Variants in SDCCAG8 observed in about 807,000 individuals in gnomAD.
SDCCAG8 encodes the protein SHH signaling and ciliogenesis regulator SDCCAG8, also known as serologically defined colon cancer antigen 8.
Under a neutral mutation model 101.8 loss-of-function variants are expected in SDCCAG8, and 74 were observed. The observed-to-expected ratio is 0.73, with a 90% CI of 0.60 to 0.88. The LOEUF (loss-of-function observed/expected upper bound fraction) is 0.88, where lower values mean the gene tolerates loss of function less well. SDCCAG8 is among the 40% of genes least tolerant of loss of function. The probability of loss-of-function intolerance (pLI) is 0.00; values close to 1 mark genes in which losing one functional copy is unlikely to be tolerated. For synonymous variants in SDCCAG8, 281 were observed against 292.9 expected (o/e 0.96, Z 0.41); for missense variants, 787 against 822.6 (o/e 0.96, Z 0.53).
chr1:243,491,524 GA>G (rs1479954652), intron 17 of SDCCAG8, among the ~76,000 whole-genome samples: 3 of 152,230 alleles, frequency 2.0e-5, no homozygotes, highest in Non-Finnish European at 4.4e-5. Context: ...AGGAGGCAGG[GA>G]TCCAGGTTTG....
chr1:243,471,939 A>G (rs1661354690), intron 16 of SDCCAG8, among the ~76,000 whole-genome samples: 1 of 152,198 alleles, frequency 6.6e-6, no homozygotes. Context: ...AAACACTGTG[A>G]GGCTGGCAAC....
chr1:243,316,425 T>G (rs986221764), intron 8 of SDCCAG8, among the ~76,000 whole-genome samples: 1 of 152,190 alleles, frequency 6.6e-6, no homozygotes, highest in Non-Finnish European at 1.5e-5. Flanking sequence ...TTCCCTACTT[T>G]GCTGCATTTT....
chr1:243,452,226 G>A (rs2083410871), intron 16 of SDCCAG8, among the ~76,000 whole-genome samples: 1 of 152,084 alleles, frequency 6.6e-6, no homozygotes, highest in African/African-American at 2.4e-5. Flanking sequence ...CCATTTCTAA[G>A]TTTTCTGCAC....
chr1:243,330,749 A>G (rs1368495584), intron 10 of SDCCAG8, 57 bp downstream of exon 10: 20 of 1,554,810 alleles, frequency 1.3e-5, no homozygotes, highest in Non-Finnish European at 1.8e-5. Context: ...TTATGATGCC[A>G]TTGATGATTC....
intron 12 of SDCCAG8, among the ~76,000 whole-genome samples, chr1:243,346,650 G>A (rs543573913): frequency 3.9e-5 from 6 of 152,158 alleles, no homozygotes; most frequent in Non-Finnish European, 7.4e-5. Context: ...AATGGCAGTC[G>A]CTTCCACCCA....
At chr1:243,259,072 CCT>C (rs2066987174) in intron 1 of SDCCAG8, among the ~76,000 whole-genome samples, 1 of 152,148 alleles carries the variant, frequency 6.6e-6, no homozygotes, top group Admixed American at 6.6e-5. Flanking sequence ...AAATGCTTTC[CCT>C]ATTTTCCGTG....
At chr1:243,268,000 G>A in intron 1 of SDCCAG8, 1 of 779,908 alleles carries the variant, frequency 1.3e-6, no homozygotes, top group Non-Finnish European at 2.4e-6. Context: ...TTAACGCGCT[G>A]GGATCCTTCT....
intron 12 of SDCCAG8, among the ~76,000 whole-genome samples, chr1:243,348,019 T>C (rs2075821260): frequency 6.8e-6 from 1 of 147,952 alleles, no homozygotes; most frequent in Admixed American, 6.7e-5. Context: ...AGGCTGGACA[T>C]GCATTTTTTT....
In SDCCAG8 at chr1:243,293,168, TGAC is replaced by T; in HGVS notation, c.625_627del (p.Asp209del). 1.2e-6 allele frequency: 2 copies of T among 1,614,170 alleles called. No individual in the cohort carries two copies. The highest frequency in any genetic ancestry group is 1.3e-5 in the African/African-American group (1 of 75,058). On this transcript the variant is annotated inframe_deletion, in exon 6 of 18. Coordinates refer to ENST00000366541, the MANE Select transcript of SDCCAG8 (RefSeq NM_006642.5). Reference sequence around the variant, plus strand: ...AAACCTCCAAAAGACCATTTTCCCATGACAATGCAGATTTTGGCAAAGCTGCAT... The same window carrying T: ...AAACCTCCAAAAGACCATTTTCCCATAATGCAGATTTTGGCAAAGCTGCAT...
intron 9 of SDCCAG8, among the ~76,000 whole-genome samples, chr1:243,320,296 C>T (rs138479736): frequency 3.1e-4 from 47 of 152,254 alleles, no homozygotes; most frequent in African/African-American, 1.1e-3. Context: ...TCCTAGCTTG[C>T]CTCCCTCCTT....
At chr1:243,301,324 A>G (rs1319673366) in intron 6 of SDCCAG8, among the ~76,000 whole-genome samples, 2 of 152,060 alleles carry the variant, frequency 1.3e-5, no homozygotes, top group Non-Finnish European at 2.9e-5. Context: ...TTTCCAGTAA[A>G]TTGCATATCA....
At chr1:243,368,732 G>A (rs1204344366) in intron 12 of SDCCAG8, among the ~76,000 whole-genome samples, 6 of 152,092 alleles carry the variant, frequency 3.9e-5, no homozygotes, top group Admixed American at 6.6e-5. Context: ...GGGGAAGAGC[G>A]GAATTAGGAA....
intron 4 of SDCCAG8, among the ~76,000 whole-genome samples, chr1:243,283,596 G>T (rs1239942057): frequency 6.6e-6 from 1 of 151,590 alleles, no homozygotes; most frequent in Non-Finnish European, 1.5e-5. Context: ...CCTTTCAAAG[G>T]CACTCTTCAT....
intron 13 of SDCCAG8, 150 bp from the exon 14 acceptor site, chr1:243,415,552 C>T: frequency 9.7e-7 from 1 of 1,033,242 alleles, no homozygotes; most frequent in Non-Finnish European, 1.5e-6. Context: ...GGATCTTCCC[C>T]CTAAAGTGGG....
intron 16 of SDCCAG8, among the ~76,000 whole-genome samples, chr1:243,433,117 T>C (rs1005949366): frequency 6.6e-6 from 1 of 152,120 alleles, no homozygotes; most frequent in Admixed American, 6.6e-5. Flanking sequence ...TATGAGCTGA[T>C]AAATGCAGGC....
chr1:243,489,500 C>T (rs572452644), intron 17 of SDCCAG8, among the ~76,000 whole-genome samples: 10 of 152,274 alleles, frequency 6.6e-5, no homozygotes, highest in African/African-American at 2.4e-4. Flanking sequence ...CCTTGAGCTG[C>T]CTCTGAAGGT....
At chr1:243,374,397 C>T (rs552333457) in intron 12 of SDCCAG8, among the ~76,000 whole-genome samples, 9 of 152,002 alleles carry the variant, frequency 5.9e-5, no homozygotes, top group Admixed American at 2.6e-4. Flanking sequence ...TTCAGCATTG[C>T]AAAATTTCAA....
At chr1:243,492,295 C>CTTTTTTTTTTTTT (rs33950392) in intron 17 of SDCCAG8, among the ~76,000 whole-genome samples, 2 of 63,124 alleles carry the variant, frequency 3.2e-5, no homozygotes, top group Non-Finnish European at 5.3e-5. Context: ...CGTTTCTTGG[C>CTTTTTTTTTTTTT]TTTTTTTTTT....
intron 13 of SDCCAG8, among the ~76,000 whole-genome samples, chr1:243,405,359 G>A (rs1022949203): frequency 6.6e-6 from 1 of 152,076 alleles, no homozygotes; most frequent in African/African-American, 2.4e-5. Context: ...AAAAAACATG[G>A]CAGCAAATCA....
Sources: gnomAD v4.1 joint callset for allele counts (sites outside exome capture counted in the v4.1 genomes callset) on GRCh38, gnomAD v4.1.1 for gene constraint, MANE v1.5 for transcripts, NCBI Gene and HGNC (gene_info 2026-07-23, HGNC 2026-07-21) for gene names.